Variants in FAM20B observed in about 807,000 individuals in gnomAD.
FAM20B encodes glycosaminoglycan xylosylkinase.
A neutral mutation model predicts 43.8 loss-of-function variants in FAM20B; 23 were observed. The ratio of observed to expected loss-of-function variants is 0.53; its 90% confidence interval spans 0.38 to 0.74. The LOEUF is 0.74. FAM20B is among the 30% of genes least tolerant of loss of function. FAM20B has a pLI of 0.00. For missense variants in FAM20B, 440 were observed against 510.5 expected (o/e 0.86, Z 1.33); for synonymous variants, 178 against 192.4 (o/e 0.93, Z 0.62).
intron 2 of FAM20B, among the ~76,000 whole-genome samples, chr1:179,045,069 T>C (rs1429802281): frequency 6.6e-6 from 1 of 152,240 alleles, no homozygotes; most frequent in East Asian, 1.9e-4. Context: ...ACTAAATATG[T>C]ATGTTGTTCA....
intron 3 of FAM20B, among the ~76,000 whole-genome samples, chr1:179,053,588 G>T (rs891135951): frequency 2.0e-5 from 3 of 152,110 alleles, no homozygotes; most frequent in Admixed American, 1.3e-4. Context: ...GCCTCTGGGG[G>T]TATCTCTGGA....
At chr1:179,036,513 G>A (rs1201265761) in intron 1 of FAM20B, among the ~76,000 whole-genome samples, 1 of 152,188 alleles carries the variant, frequency 6.6e-6, no homozygotes, top group Non-Finnish European at 1.5e-5. Context: ...GAGAATGTTA[G>A]TGAGGTTTTT....
intron 3 of FAM20B, among the ~76,000 whole-genome samples, chr1:179,051,899 C>T (rs993437183): frequency 1.3e-5 from 2 of 152,124 alleles, no homozygotes; most frequent in South Asian, 2.1e-4. Flanking sequence ...CCGCCCACCT[C>T]AGCCTCCCAA....
intron 2 of FAM20B, among the ~76,000 whole-genome samples, chr1:179,047,671 G>A (rs1447518922): frequency 6.6e-6 from 1 of 152,182 alleles, no homozygotes; most frequent in Non-Finnish European, 1.5e-5. Context: ...CACAGGCTGG[G>A]GAAAGTGGTT....
At chr1:179,022,275 T>C (rs900740487), upstream of FAM20B, among the ~76,000 whole-genome samples, 4 of 152,168 alleles carry the variant, frequency 2.6e-5, no homozygotes, top group African/African-American at 7.2e-5. Flanking sequence ...CAGAGAGATA[T>C]GTGTGCTCCT....
rs762208875 is a variant in FAM20B at position 179,063,966 on chromosome 1, G to A, written c.614G>A (p.Arg205Gln). The stretch of plus-strand genomic sequence containing the variant: ...TTTTATGGGAAGTGCTATTACTGCC[G>A]AGAAACAGAACCAGCTTGTGCTGAT... ...TCFYGKCYYC[R>Q]ETEPACADGD... Residue 205 changes from arginine to glutamine, a missense_variant, in exon 5 of 8, where the codon CGA becomes CAA. Arg to Gln is a conservative substitution (Grantham distance 43, BLOSUM62 1). Transcript: ENST00000263733. 11 of 1,613,058 alleles carry A rather than the reference G, an allele frequency of 6.8e-6. No homozygotes were observed. Among genetic ancestry groups the A allele is most frequent in the Admixed American group, 1.7e-5 (1 of 59,796 alleles).
rs531180814 is a variant in FAM20B at position 179,061,961 on chromosome 1, C to T, written c.575-1966C>T. ...GGTCCCATCATTCTCCAAGCACTTTCTTGCAACTGGCATAACACTGTGGTC... is the reference window on the plus strand; with the variant it reads ...GGTCCCATCATTCTCCAAGCACTTTTTTGCAACTGGCATAACACTGTGGTC... On this transcript the variant is annotated intron_variant, in intron 4 of 7. Transcript: ENST00000263733. Among the ~76,000 whole-genome samples the T allele has an allele frequency of 2.6e-5, 4 of 152,232 alleles. No homozygotes were observed. The South Asian group carries it at 8.3e-4, about 32-fold the overall frequency.
chr1:179,040,767 T>C (rs1419072145), intron 1 of FAM20B, among the ~76,000 whole-genome samples: 19 of 146,834 alleles, frequency 1.3e-4, no homozygotes, highest in Admixed American at 8.7e-4. Context: ...GACCCCCACC[T>C]CCCTCCCGGA....
intron 2 of FAM20B, among the ~76,000 whole-genome samples, chr1:179,049,626 C>T (rs1005317237): frequency 2.0e-5 from 3 of 152,142 alleles, no homozygotes; most frequent in African/African-American, 7.2e-5. Flanking sequence ...CTGCAACCTC[C>T]GCCTCCCAGG....
intron 7 of FAM20B, among the ~76,000 whole-genome samples, chr1:179,068,139 T>G (rs995569632): frequency 6.6e-6 from 1 of 152,234 alleles, no homozygotes; most frequent in Admixed American, 6.5e-5. Context: ...GAAAAACAAG[T>G]TCAAGAGCAC....
rs1652107669 is a variant in FAM20B, at chr1:179,075,810, TC to T, written c.*3668del. 1 of 152,008 alleles carries T rather than the reference TC, an allele frequency of 6.6e-6. No individual in the cohort carries two copies. The highest frequency in any genetic ancestry group is 2.4e-5 in the African/African-American group (1 of 41,366). The allele number at this position is 152,008 out of a possible 1,614,324, so 9.4% of individuals were successfully genotyped here. Reference sequence around the variant, plus strand: ...GCTTTTGCCTTCCCTTCCCTTCCCATCCGCCATATTTCTTCAGCCTTTCTTC... The same window carrying T: ...GCTTTTGCCTTCCCTTCCCTTCCCATCGCCATATTTCTTCAGCCTTTCTTC... On this transcript the variant is annotated 3_prime_UTR_variant, in exon 8 of 8. Transcript: ENST00000263733.
chr1:179,048,422 A>G (rs183314621), intron 2 of FAM20B, among the ~76,000 whole-genome samples: 1 of 152,222 alleles, frequency 6.6e-6, no homozygotes, highest in African/African-American at 2.4e-5. Flanking sequence ...CCCACTCCCA[A>G]AGTTCCTGTA....
chr1:179,046,591 G>A (rs1393065877), intron 2 of FAM20B, among the ~76,000 whole-genome samples: 1 of 152,154 alleles, frequency 6.6e-6, no homozygotes, highest in Non-Finnish European at 1.5e-5. Flanking sequence ...GGCGAAGGTT[G>A]CGGTGAGCTG....
intron 1 of FAM20B, among the ~76,000 whole-genome samples, chr1:179,038,188 C>G (rs1650329527): frequency 6.6e-6 from 1 of 152,094 alleles, no homozygotes; most frequent in South Asian, 2.1e-4. Flanking sequence ...TCTGGCAGAT[C>G]ACCTGAGGTC....
chr1:179,068,341 G>A (rs1383715225), intron 7 of FAM20B, among the ~76,000 whole-genome samples: 1 of 152,104 alleles, frequency 6.6e-6, no homozygotes, highest in East Asian at 1.9e-4. Context: ...TTGTGTGTTT[G>A]TCTTTGAAGA....
At position 179,043,914 on chromosome 1, in the gene FAM20B, T is replaced by A; in HGVS notation, c.67T>A (p.Phe23Ile). 1 of 1,611,618 alleles carries A rather than the reference T, an allele frequency of 6.2e-7. No individual in the cohort carries two copies. Residue 23 changes from phenylalanine to isoleucine, a missense_variant, in exon 2 of 8, where the codon TTC becomes ATC. Phe to Ile is a conservative substitution (Grantham distance 21). Coordinates refer to ENST00000263733, the MANE Select transcript of FAM20B (RefSeq NM_014864.4). Reference sequence around the variant, plus strand: ...TGTCATTTTTATCTTCACCAAAGTTTTCCTGATTGACAACTTAGATACATC... The same window carrying A: ...TGTCATTTTTATCTTCACCAAAGTTATCCTGATTGACAACTTAGATACATC... ...LLVIFIFTKV[F>I]LIDNLDTSAA...
intron 7 of FAM20B, among the ~76,000 whole-genome samples, chr1:179,067,186 G>GCCTGGTTACTACA (rs1651726960): frequency 6.6e-6 from 1 of 151,022 alleles, no homozygotes; most frequent in Admixed American, 6.6e-5. Context: ...AAATCTGTAT[G>GCCTGGTTACTACA]CCTGGTTACT....
chr1:179,074,718 A>G lies in FAM20B; in HGVS notation c.*2574A>G, dbSNP rs1048343769. ...TCTATAAAATTTAGAACTCTAATCC[A>G]TAAAGTTAGAATTGAGCTAATAGAG... On this transcript the variant is annotated 3_prime_UTR_variant, in exon 8 of 8. Coordinates refer to ENST00000263733, the MANE Select transcript of FAM20B (RefSeq NM_014864.4). 9.9e-5 allele frequency: 15 copies of G among 152,252 alleles called. No homozygotes were observed. The highest frequency in any genetic ancestry group is 3.6e-4 in the African/African-American group (15 of 41,474). The allele number at this position is 152,252 out of a possible 1,614,324, so 9.4% of individuals were successfully genotyped here.
chr1:179,040,298 A>AGCAGGGGCAGCCGG (rs1650432264), intron 1 of FAM20B, among the ~76,000 whole-genome samples: 4 of 151,654 alleles, frequency 2.6e-5, no homozygotes, highest in Non-Finnish European at 4.4e-5. Flanking sequence ...CTCTCTTCCC[A>AGCAGGGGCAGCCGG]GCAGGGGCAG....
Sources: allele counts gnomAD v4.1 joint callset (sites outside exome capture counted in the v4.1 genomes callset), GRCh38; gene constraint gnomAD v4.1.1; transcripts MANE v1.5; gene names NCBI Gene and HGNC (gene_info 2026-07-23, HGNC 2026-07-21).